TSHZ2: variants seen among roughly 807,000 people sequenced by gnomAD.
TSHZ2 encodes teashirt zinc finger homeobox 2, also known as teashirt homolog 2.
In TSHZ2, 21 loss-of-function variants were observed where a neutral mutation model predicts 74.4. The observed-to-expected ratio is 0.28, with a 90% CI of 0.20 to 0.41. The LOEUF (loss-of-function observed/expected upper bound fraction) is 0.41. Among genes scored for constraint, TSHZ2 ranks in the 10% least tolerant of loss-of-function variants. The pLI is 1.00. For synonymous variants in TSHZ2, 540 were observed against 515.3 expected, an observed-to-expected ratio of 1.05 and a Z score of -0.65; for missense variants, 1,244 against 1,293.5, an observed-to-expected ratio of 0.96 and a Z score of 0.59.
chr20:53,167,723 G>T (rs990726422), intron 1 of TSHZ2, among the ~76,000 whole-genome samples: 2 of 152,164 alleles, frequency 1.3e-5, no homozygotes, highest in African/African-American at 4.8e-5. Context: ...GTGTTTGAAT[G>T]AGAGGTGCAA....
chr20:53,085,154 T>A (rs1985658133), intron 1 of TSHZ2, among the ~76,000 whole-genome samples: 1 of 151,992 alleles, frequency 6.6e-6, no homozygotes, highest in African/African-American at 2.4e-5. Flanking sequence ...TGAAGTCTCC[T>A]GACTTCGAGA....
chr20:53,421,902 C>T lies in TSHZ2; in HGVS notation c.*9-65242C>T, dbSNP rs934009257. ...TTCACCATGTTAGCCAGGATGGTCT[C>T]GATCTCCTGACCTTGTGATCCACCC... On this transcript the variant is annotated intron_variant, in intron 2 of 2. Coordinates refer to ENST00000371497, the MANE Select transcript of TSHZ2 (RefSeq NM_173485.6). 7.9e-5 allele frequency among the ~76,000 whole-genome samples: 12 copies of T among 151,862 alleles called. No homozygotes were observed. The East Asian group carries it at 2.1e-3, about 27-fold the overall frequency.
At chr20:53,018,903 T>G (rs1983135611) in intron 1 of TSHZ2, among the ~76,000 whole-genome samples, 1 of 152,210 alleles carries the variant, frequency 6.6e-6, no homozygotes, top group Admixed American at 6.5e-5. Flanking sequence ...TTTAAAAATA[T>G]GTTAAGATTA....
chr20:53,295,431 T>TGTGC lies in TSHZ2; in HGVS notation c.*8+38861_*8+38862insTGCG, dbSNP rs1555847282. Among the ~76,000 whole-genome samples the TGTGC allele has an allele frequency of 6.2e-4, 95 of 152,024 alleles. 1 individual carries two copies. The highest frequency in any genetic ancestry group is 1.4e-3 in the Admixed American group (21 of 15,284). ...TTATGTATACGTGTGTGTGTGTGTGTGCACGTGTATGACTTAAATAGCTCC... is the reference window on the plus strand; with the variant it reads ...TTATGTATACGTGTGTGTGTGTGTGTGTGCGCACGTGTATGACTTAAATAGCTCC... On this transcript the variant is annotated intron_variant, in intron 2 of 2. Coordinates refer to ENST00000371497, the MANE Select transcript of TSHZ2 (RefSeq NM_173485.6).
At chr20:53,334,737 C>T (rs1979873698) in intron 2 of TSHZ2, among the ~76,000 whole-genome samples, 1 of 151,942 alleles carries the variant, frequency 6.6e-6, no homozygotes, top group Non-Finnish European at 1.5e-5. Context: ...CTCTGTCGCC[C>T]AGGCTGGAGT....
chr20:53,024,033 G>A (rs888147348), intron 1 of TSHZ2, among the ~76,000 whole-genome samples: 14 of 152,036 alleles, frequency 9.2e-5, no homozygotes, highest in Admixed American at 8.5e-4. Context: ...CCATAAAGGG[G>A]AGGTCATTTT....
intron 2 of TSHZ2, among the ~76,000 whole-genome samples, chr20:53,320,440 G>T (rs1395295341): frequency 1.4e-4 from 22 of 152,120 alleles, no homozygotes; most frequent in Admixed American, 1.4e-3. Flanking sequence ...TCTTTTCATT[G>T]CCTCAATTCA....
At chr20:53,136,620 C>T (rs1362548470) in intron 1 of TSHZ2, among the ~76,000 whole-genome samples, 1 of 152,186 alleles carries the variant, frequency 6.6e-6, no homozygotes, top group Admixed American at 6.5e-5. Flanking sequence ...TCCAATCTCC[C>T]TCCCAAACAC....
chr20:53,003,781 A>T (rs1457718811), intron 1 of TSHZ2, among the ~76,000 whole-genome samples: 1 of 152,228 alleles, frequency 6.6e-6, no homozygotes, highest in African/African-American at 2.4e-5. Context: ...AGATAAACAA[A>T]TTGTACATTA....
chr20:53,351,443 G>T (rs939481833), intron 2 of TSHZ2, among the ~76,000 whole-genome samples: 4 of 152,124 alleles, frequency 2.6e-5, no homozygotes, highest in Non-Finnish European at 5.9e-5. Flanking sequence ...TTTTTTTAAC[G>T]AATGGATTAT....
intron 1 of TSHZ2, among the ~76,000 whole-genome samples, chr20:53,073,310 A>T (rs1985253419): frequency 7.7e-6 from 1 of 130,128 alleles, no homozygotes; most frequent in African/African-American, 3.0e-5. Flanking sequence ...CCATCCATCC[A>T]TCCATCCATC....
chr20:53,136,554 T>A (rs1987250678), intron 1 of TSHZ2, among the ~76,000 whole-genome samples: 1 of 152,192 alleles, frequency 6.6e-6, no homozygotes, highest in Admixed American at 6.5e-5. Flanking sequence ...GTAGACACTC[T>A]TAATTCTGTT....
chr20:53,325,295 A>G (rs1979443153), intron 2 of TSHZ2, among the ~76,000 whole-genome samples: 1 of 152,180 alleles, frequency 6.6e-6, no homozygotes, highest in African/African-American at 2.4e-5. Flanking sequence ...GCTTGATTTA[A>G]CTAGGGTATT....
At chr20:53,083,089 A>T (rs990721838) in intron 1 of TSHZ2, among the ~76,000 whole-genome samples, 1 of 152,218 alleles carries the variant, frequency 6.6e-6, no homozygotes, top group South Asian at 2.1e-4. Flanking sequence ...CCTTCTGTGT[A>T]TAAAATGAAC....
At position 52,993,377 on chromosome 20, in the gene TSHZ2, C is replaced by T. The variant is rs1180744803; in HGVS notation, c.40+20044C>T. Among the ~76,000 whole-genome samples, 5 of 152,170 alleles carry T rather than the reference C, an allele frequency of 3.3e-5. 1 individual carries two copies. In the South Asian group the frequency reaches 8.3e-4, roughly 25 times the overall value. On this transcript the variant is annotated intron_variant, in intron 1 of 2. Coordinates refer to ENST00000371497, the MANE Select transcript of TSHZ2 (RefSeq NM_173485.6). ...TGACCTGTTAGTACTCTTAGCAGAACATTTAAGGAATACAGAGATGTTTTC... is the reference window on the plus strand; with the variant it reads ...TGACCTGTTAGTACTCTTAGCAGAATATTTAAGGAATACAGAGATGTTTTC...
chr20:53,380,164 G>GTGTGCA (rs1555856794), intron 2 of TSHZ2, among the ~76,000 whole-genome samples: 2 of 107,918 alleles, frequency 1.9e-5, no homozygotes, highest in African/African-American at 1.8e-4. Flanking sequence ...GTGTGTGTGT[G>GTGTGCA]CACACGCATG....
Position 53,129,151 on chromosome 20 carries a change from T to A in TSHZ2, c.41-124348T>A, listed in dbSNP as rs73270605. Among the ~76,000 whole-genome samples, 944 of 152,264 alleles carry A rather than the reference T, an allele frequency of 6.2e-3. 10 individuals are homozygous for A. The highest frequency in any genetic ancestry group is 0.022 in the African/African-American group (917 of 41,546). On this transcript the variant is annotated intron_variant, in intron 1 of 2. Transcript: ENST00000371497. ...TAGAAACAACAACAATATCCAATAA[T>A]AAGGAAATATTTATTTTTGTCAGTA...
intron 2 of TSHZ2, among the ~76,000 whole-genome samples, chr20:53,386,515 A>G (rs1391080000): frequency 4.6e-5 from 7 of 152,198 alleles, no homozygotes; most frequent in South Asian, 2.1e-4. Flanking sequence ...GAAGCCTGCC[A>G]TATTGTAATT....
In TSHZ2 at chr20:53,012,540, C is replaced by A. The variant is rs558688271; in HGVS notation, c.40+39207C>A. Among the ~76,000 whole-genome samples, 5 of 152,086 alleles carry A rather than the reference C, an allele frequency of 3.3e-5. No homozygotes were observed. The South Asian group carries it at 8.3e-4, about 25-fold the overall frequency. ...TAGGTGTGGTACCTATTTTCCAGAA[C>A]CCCAAGCAGCTGGGCCAATTTAGAA... is the stretch of plus-strand genomic sequence containing the variant. On this transcript the variant is annotated intron_variant, in intron 1 of 2. Coordinates refer to ENST00000371497, the MANE Select transcript of TSHZ2 (RefSeq NM_173485.6).
Sources: allele counts gnomAD v4.1 joint callset (sites outside exome capture counted in the v4.1 genomes callset), GRCh38; gene constraint gnomAD v4.1.1; transcripts MANE v1.5; gene names NCBI Gene and HGNC (gene_info 2026-07-23, HGNC 2026-07-21).